The following ZMYND12 variants were observed in gnomAD, a reference collection of about 807,000 sequenced individuals.
ZMYND12 encodes the protein zinc finger MYND domain-containing protein 12.
In ZMYND12, 32 loss-of-function variants were observed where a neutral mutation model predicts 41.7. That is an observed-to-expected ratio of 0.77 (90% CI 0.58 to 1.03). The LOEUF is 1.03. Ranked by LOEUF, ZMYND12 falls within the 50% of genes least tolerant of loss-of-function variation. The probability of loss-of-function intolerance (pLI) is 0.00; values close to 1 mark genes in which losing one functional copy is unlikely to be tolerated. For synonymous variants in ZMYND12, 148 were observed against 164.8 expected (o/e 0.90, Z 0.78); for missense variants, 424 against 438.5 (o/e 0.97, Z 0.30).
intron 1 of ZMYND12, among the ~76,000 whole-genome samples, chr1:42,452,616 T>C (rs193071196): frequency 2.0e-5 from 3 of 152,216 alleles, no homozygotes; most frequent in African/African-American, 7.2e-5. Context: ...GGCAAGAGAA[T>C]TGCTTGAACC....
chr1:42,449,913 C>T lies in ZMYND12; in HGVS notation c.252+5G>A, dbSNP rs767073756. 6.2e-7 allele frequency: 1 copy of T among 1,610,112 alleles called. No homozygotes were observed. The highest frequency in any genetic ancestry group is 2.2e-5 in the East Asian group (1 of 44,884). On this transcript the variant is annotated splice_donor_5th_base_variant and intron_variant, in intron 2 of 7. Transcript: ENST00000372565. Reference sequence around the variant, plus strand: ...CTTAACCTTGGAAAGTGCCGTAGGCCCTACCTGCCGCTGCTGCAGCTGCTG... The same window carrying T: ...CTTAACCTTGGAAAGTGCCGTAGGCTCTACCTGCCGCTGCTGCAGCTGCTG...
chr1:42,452,671 C>G (rs1268299165), intron 1 of ZMYND12, among the ~76,000 whole-genome samples: 2 of 152,004 alleles, frequency 1.3e-5, no homozygotes, highest in Non-Finnish European at 2.9e-5. Context: ...CCACTGCGCT[C>G]CAGCCTGGGT....
chr1:42,447,226 A>AAACATGCCAGTTTATAGGATGGGATGAG (rs1553179467), intron 3 of ZMYND12, among the ~76,000 whole-genome samples: 3 of 152,228 alleles, frequency 2.0e-5, no homozygotes, highest in Non-Finnish European at 4.4e-5. Flanking sequence ...AAAAAAATGA[A>AAACATGCCAGTTTATAGGATGGGATGAG]AACATGCCAG....
intron 3 of ZMYND12, among the ~76,000 whole-genome samples, chr1:42,447,784 A>AT (rs1348895849): frequency 6.6e-6 from 1 of 152,092 alleles, no homozygotes; most frequent in African/African-American, 2.4e-5. Context: ...CATATGAAGC[A>AT]TTTTTTTAAA....
rs1448376392 is a variant in ZMYND12 at position 42,430,716 on chromosome 1, G to C, written c.*20C>G. On this transcript the variant is annotated 3_prime_UTR_variant, in exon 8 of 8. Transcript: ENST00000372565. Reference sequence around the variant, plus strand: ...TTCAGTAGCCCCTGGAATAACCCTTGATGCAGAGCTCATGGGTCACTAAGT... The same window carrying C: ...TTCAGTAGCCCCTGGAATAACCCTTCATGCAGAGCTCATGGGTCACTAAGT... The C allele has an allele frequency of 1.9e-6, 3 of 1,612,738 alleles. No individual in the cohort carries two copies. Among genetic ancestry groups the C allele is most frequent in the Non-Finnish European group, 8.5e-7 (1 of 1,178,962 alleles).
chr1:42,439,702 G>A (rs1642948256), intron 4 of ZMYND12, among the ~76,000 whole-genome samples, 154 bp downstream of exon 4: 1 of 152,216 alleles, frequency 6.6e-6, no homozygotes, highest in South Asian at 2.1e-4. Flanking sequence ...CGGTAGAATT[G>A]TGTTATGGCT....
chr1:42,454,634 T>C (rs766732101), intron 1 of ZMYND12, among the ~76,000 whole-genome samples: 42 of 152,130 alleles, frequency 2.8e-4, no homozygotes, highest in Non-Finnish European at 4.7e-4. Context: ...CTTGATCTCA[T>C]GTCACTGTCT....
At chr1:42,440,074 A>C in intron 3 of ZMYND12, 49 bp from the exon 4 acceptor site, 1 of 1,530,434 alleles carries the variant, frequency 6.5e-7, no homozygotes, top group Non-Finnish European at 8.8e-7. Flanking sequence ...AGGCCAAAGA[A>C]CACATGAGGA....
rs369350725 is a variant in ZMYND12, at chr1:42,449,885, C to T, written c.252+33G>A. 7.9e-5 allele frequency: 126 copies of T among 1,604,626 alleles called. 1 individual carries two copies. Among genetic ancestry groups the T allele is most frequent in the South Asian group, 5.5e-4 (50 of 90,960 alleles). ...GTCTTGGGCAGCTTCACCGCACCTA[C>T]GACTTAACCTTGGAAAGTGCCGTAG... is the stretch of plus-strand genomic sequence containing the variant. On this transcript the variant is annotated intron_variant, in intron 2 of 7. Transcript: ENST00000372565.
chr1:42,448,491 G>C lies in ZMYND12; in HGVS notation c.400C>G (p.Leu134Val). The change falls in exon 3 of 8, where the codon CTG (leucine) becomes GTG (valine). Residue 134 changes from leucine (L) to valine (V), a missense_variant. Leu to Val is a conservative substitution (Grantham distance 32, BLOSUM62 1). Coordinates refer to ENST00000372565, the MANE Select transcript of ZMYND12 (RefSeq NM_032257.5). Reference sequence around the variant, plus strand: ...CCAAGGCTGGCCTCGGCCAACAGCAGGTAAGCAGGCACAAGCTCTACGGAG... The same window carrying C: ...CCAAGGCTGGCCTCGGCCAACAGCACGTAAGCAGGCACAAGCTCTACGGAG... ...LSSVELVPAY[L>V]LLAEASLGLG... is the part of the protein sequence containing the mutation. 6.2e-7 allele frequency: 1 copy of C among 1,603,732 alleles called. No individual in the cohort carries two copies. The highest frequency in any genetic ancestry group is 8.5e-7 in the Non-Finnish European group (1 of 1,174,502).
chr1:42,452,638 G>A (rs1169382583), intron 1 of ZMYND12, among the ~76,000 whole-genome samples: 1 of 152,164 alleles, frequency 6.6e-6, no homozygotes, highest in African/African-American at 2.4e-5. Context: ...GGGAGACAGA[G>A]GTTGCAGTGA....
At chr1:42,435,879 A>G (rs1007513712) in intron 5 of ZMYND12, among the ~76,000 whole-genome samples, 1 of 152,264 alleles carries the variant, frequency 6.6e-6, no homozygotes, top group Non-Finnish European at 1.5e-5. Flanking sequence ...AACATGAATC[A>G]ACAATCAGCA....
At chr1:42,449,424 G>A (rs1445031544) in intron 2 of ZMYND12, among the ~76,000 whole-genome samples, 1 of 152,216 alleles carries the variant, frequency 6.6e-6, no homozygotes, top group Non-Finnish European at 1.5e-5. Context: ...GCTAGGGCCT[G>A]TAGAGTGGTG....
chr1:42,449,039 C>T (rs1220966259), intron 2 of ZMYND12, among the ~76,000 whole-genome samples: 1 of 152,204 alleles, frequency 6.6e-6, no homozygotes, highest in African/African-American at 2.4e-5. Flanking sequence ...ATTTTCCCTT[C>T]CAGAATTATC....
intron 1 of ZMYND12, among the ~76,000 whole-genome samples, chr1:42,455,672 A>C (rs1347893151): frequency 6.6e-6 from 1 of 152,254 alleles, no homozygotes; most frequent in Admixed American, 6.5e-5. Flanking sequence ...AAAATAGTGC[A>C]TAACACAGAG....
At chr1:42,454,637 C>A (rs1557772767) in intron 1 of ZMYND12, among the ~76,000 whole-genome samples, 1 of 152,064 alleles carries the variant, frequency 6.6e-6, no homozygotes, top group Non-Finnish European at 1.5e-5. Context: ...GATCTCATGT[C>A]ACTGTCTAGC....
In ZMYND12 at chr1:42,439,922, C is replaced by A; in HGVS notation, c.528G>T (p.Arg176=). ...CSNATHSLLH[R]NLGLLYIAKK... ...TAGCTATATAGAGAAGTCCCAGATT[C>A]CGATGCAGTAAAGAGTGGGTGGCAT... The change falls in exon 4 of 8, where the codon CGG becomes CGT. Residue 176 remains arginine, a synonymous_variant. Transcript: ENST00000372565. 1 of 1,614,110 alleles carries A rather than the reference C, an allele frequency of 6.2e-7. No individual in the cohort carries two copies.
rs1364212732 is a variant in ZMYND12 at position 42,455,950 on chromosome 1, G to A, written c.48C>T (p.Cys16=). ...CGGCTGGGGCTTCGCACACCTCACA[G>A]CAGAGTCTGCGCCCCTTGGGGACTG... is the stretch of plus-strand genomic sequence containing the variant. The part of the protein sequence containing the change: ...PLAVPKGRRL[C]CEVCEAPAER... Residue 16 remains cysteine, a synonymous_variant, in exon 1 of 8, where the codon TGC becomes TGT. Coordinates refer to ENST00000372565, the MANE Select transcript of ZMYND12 (RefSeq NM_032257.5). 1 of 1,613,582 alleles carries A rather than the reference G, an allele frequency of 6.2e-7. No homozygotes were observed. The highest frequency in any genetic ancestry group is 8.5e-7 in the Non-Finnish European group (1 of 1,180,040).
chr1:42,445,838 G>A (rs1643018679), intron 3 of ZMYND12, among the ~76,000 whole-genome samples: 6 of 152,142 alleles, frequency 3.9e-5, no homozygotes, highest in Admixed American at 3.9e-4. Flanking sequence ...AGATGATGTG[G>A]GGAGACCAGT....
Sources: allele counts gnomAD v4.1 joint callset (sites outside exome capture counted in the v4.1 genomes callset), GRCh38; gene constraint gnomAD v4.1.1; transcripts MANE v1.5; gene names NCBI Gene and HGNC (gene_info 2026-07-23, HGNC 2026-07-21).